Variants in FGF12 observed in about 807,000 individuals in gnomAD.
FGF12 encodes the protein fibroblast growth factor 12B.
Under a neutral mutation model 23.6 loss-of-function variants are expected in FGF12, and 14 were observed. That is an observed-to-expected ratio of 0.59 (90% confidence interval 0.39 to 0.93). FGF12 has a LOEUF of 0.93. Among genes scored for constraint, FGF12 ranks in the 40% least tolerant of loss-of-function variants. FGF12 has a pLI of 0.00. For missense variants in FGF12, 175 were observed against 217.8 expected (o/e 0.80, Z 1.24); for synonymous variants, 62 against 77.3 (o/e 0.80, Z 1.04).
In FGF12 at chr3:192,522,032, AC is replaced by A. The variant is rs542487510; in HGVS notation, c.14-161495del. Among the ~76,000 whole-genome samples, 580 of 152,254 alleles carry A rather than the reference AC, an allele frequency of 3.8e-3. 2 individuals carry two copies. The highest frequency in any genetic ancestry group is 0.013 in the African/African-American group (525 of 41,544). On this transcript the variant is annotated intron_variant, in intron 2 of 5. Transcript: ENST00000445105. ...GCTAACACAGTGAAACCCCATCTCT[AC>A]TAAAAATAGTAAATATTAGCCGAGC...
intron 4 of FGF12, among the ~76,000 whole-genome samples, chr3:192,214,256 G>A (rs996429012): frequency 1.3e-5 from 2 of 152,170 alleles, no homozygotes; most frequent in Non-Finnish European, 2.9e-5. Context: ...AGGAAATTCA[G>A]AGCCAGAAAA....
chr3:192,439,403 C>T (rs1722126776), intron 2 of FGF12, among the ~76,000 whole-genome samples: 1 of 152,204 alleles, frequency 6.6e-6, no homozygotes, highest in Admixed American at 6.5e-5. Context: ...CCATGTAATG[C>T]AACTCCTATA....
intron 4 of FGF12, among the ~76,000 whole-genome samples, chr3:192,263,147 G>A (rs1712866998): frequency 6.6e-6 from 1 of 152,040 alleles, no homozygotes; most frequent in Non-Finnish European, 1.5e-5. Flanking sequence ...TATATAGTAG[G>A]TGGTCAGAAA....
intron 2 of FGF12, among the ~76,000 whole-genome samples, chr3:192,440,404 C>T (rs1308286387): frequency 6.6e-6 from 1 of 152,044 alleles, no homozygotes; most frequent in Non-Finnish European, 1.5e-5. Flanking sequence ...AAGACAACAG[C>T]GGTGGCAGTG....
chr3:192,264,285 A>G (rs576746257), intron 4 of FGF12, among the ~76,000 whole-genome samples: 1 of 152,266 alleles, frequency 6.6e-6, no homozygotes, highest in African/African-American at 2.4e-5. Flanking sequence ...CATCAATAAA[A>G]TGACTTTCAA....
At chr3:192,672,095 A>C (rs1442227022) in intron 2 of FGF12, among the ~76,000 whole-genome samples, 1 of 138,570 alleles carries the variant, frequency 7.2e-6, no homozygotes, top group Non-Finnish European at 1.7e-5. Context: ...TTCCAGTCCA[A>C]TAGTCTTCTA....
chr3:192,474,149 C>T (rs141360396), intron 2 of FGF12, among the ~76,000 whole-genome samples: 1,885 of 152,288 alleles, frequency 0.012, 18 homozygotes, highest in Non-Finnish European at 0.016. Flanking sequence ...TAGTTTGGCA[C>T]ATTAAAAGGT....
At chr3:192,371,002 T>G (rs956264804) in intron 2 of FGF12, among the ~76,000 whole-genome samples, 1 of 152,190 alleles carries the variant, frequency 6.6e-6, no homozygotes, top group Non-Finnish European at 1.5e-5. Flanking sequence ...CTTTTAAGAA[T>G]CTCTGTTCAT....
intron 2 of FGF12, among the ~76,000 whole-genome samples, chr3:192,654,967 C>G (rs1716348001): frequency 6.6e-6 from 1 of 152,078 alleles, no homozygotes; most frequent in Admixed American, 6.6e-5. Context: ...CAGTTTTCCC[C>G]CTCATTCCTT....
rs1427713758 is a variant in FGF12 at position 192,142,585 on chromosome 3, A to C, written c.*1424T>G. ...TTTATTCCAATGCAAATTGTGTAAC[A>C]TTTATTTCTTCCTTGATTTTTAAAA... is the stretch of plus-strand genomic sequence containing the variant. On this transcript the variant is annotated 3_prime_UTR_variant, in exon 6 of 6. Coordinates refer to ENST00000445105, the MANE Select transcript of FGF12 (RefSeq NM_004113.6). 6.6e-6 allele frequency: 1 copy of C among 152,344 alleles called. No homozygotes were observed. Among genetic ancestry groups the C allele is most frequent in the African/African-American group, 2.4e-5 (1 of 41,390 alleles). 9.4% of individuals were successfully genotyped at this position (152,344 alleles called of 1,614,324 possible). A position where few individuals can be genotyped will look rare whatever the true frequency, so the allele number is the denominator to read the frequency against.
At chr3:192,375,129 C>T (rs1306741367) in intron 2 of FGF12, among the ~76,000 whole-genome samples, 1 of 152,128 alleles carries the variant, frequency 6.6e-6, no homozygotes, top group African/African-American at 2.4e-5. Flanking sequence ...ATTTGATTAT[C>T]TCATTCAACA....
intron 2 of FGF12, among the ~76,000 whole-genome samples, chr3:192,696,117 C>G (rs932278837): frequency 1.3e-5 from 2 of 151,046 alleles, no homozygotes; most frequent in African/African-American, 2.4e-5. Flanking sequence ...CTATGAAGCT[C>G]TCTGCACATG....
chr3:192,426,685 C>T (rs535110198), intron 2 of FGF12, among the ~76,000 whole-genome samples: 14 of 152,070 alleles, frequency 9.2e-5, no homozygotes, highest in Admixed American at 8.5e-4. Context: ...TGGTGACATC[C>T]CAGTAACTAT....
intron 2 of FGF12, among the ~76,000 whole-genome samples, chr3:192,456,728 A>C (rs1306799420): frequency 2.0e-5 from 3 of 152,160 alleles, no homozygotes; most frequent in Admixed American, 6.5e-5. Flanking sequence ...TACACCCTGC[A>C]GGGTTTAGCT....
rs188972001 is a variant in FGF12 at position 192,180,363 on chromosome 3, C to T, written c.229-9707G>A. ...TCCAGGAGCTTCAATGTTTTAGAGA[C>T]GACATATCTAGAGCAGATATTGGAG... On this transcript the variant is annotated intron_variant, in intron 4 of 5. Coordinates refer to ENST00000445105, the MANE Select transcript of FGF12 (RefSeq NM_004113.6). 3.2e-3 allele frequency among the ~76,000 whole-genome samples: 486 copies of T among 152,242 alleles called. 3 individuals are homozygous for T. The highest frequency in any genetic ancestry group is 0.011 in the African/African-American group (468 of 41,524).
chr3:192,706,895 G>T (rs1718489702), intron 2 of FGF12, among the ~76,000 whole-genome samples: 1 of 152,152 alleles, frequency 6.6e-6, no homozygotes, highest in Admixed American at 6.5e-5. Flanking sequence ...ATAGATTTGT[G>T]AAGTGTTTAT....
At chr3:192,193,132 T>G (rs1357954276) in intron 4 of FGF12, among the ~76,000 whole-genome samples, 2 of 152,204 alleles carry the variant, frequency 1.3e-5, no homozygotes, top group African/African-American at 4.8e-5. Flanking sequence ...GTTTCATAAA[T>G]GCCATGTGTA....
chr3:192,517,348 G>A (rs577197260), intron 2 of FGF12, among the ~76,000 whole-genome samples: 1 of 152,288 alleles, frequency 6.6e-6, no homozygotes, highest in Admixed American at 6.5e-5. Flanking sequence ...GACTATTGAC[G>A]TCTAATACAG....
At chr3:192,699,846 C>T (rs920243199) in intron 2 of FGF12, among the ~76,000 whole-genome samples, 1 of 152,188 alleles carries the variant, frequency 6.6e-6, no homozygotes, top group Non-Finnish European at 1.5e-5. Flanking sequence ...CTTCTAGTTC[C>T]TCATCTTTAG....
Sources: allele counts gnomAD v4.1 joint callset (sites outside exome capture counted in the v4.1 genomes callset), GRCh38; gene constraint gnomAD v4.1.1; transcripts MANE v1.5; gene names NCBI Gene and HGNC (gene_info 2026-07-23, HGNC 2026-07-21).